The following CTNNA2 variants were observed in gnomAD, a reference collection of about 807,000 sequenced individuals.
CTNNA2 encodes the protein catenin alpha-2.
In CTNNA2, 42 loss-of-function variants were observed where a neutral mutation model predicts 101.0. The observed-to-expected ratio is 0.42, with a 90% CI of 0.32 to 0.54. The LOEUF is 0.54. Ranked by LOEUF, CTNNA2 falls within the 20% of genes least tolerant of loss-of-function variation. The pLI is 0.14. For synonymous variants in CTNNA2, 450 were observed against 456.4 expected, an observed-to-expected ratio of 0.99 and a Z score of 0.18; for missense variants, 871 against 1,223.1, an observed-to-expected ratio of 0.71 and a Z score of 4.29.
At chr2:79,284,686 A>G in intron 2 of CTNNA2, among the ~76,000 whole-genome samples, 1 of 150,528 alleles carries the variant, frequency 6.6e-6, no homozygotes, top group East Asian at 2.0e-4. Flanking sequence ...GGATTTTTGC[A>G]TCAATGTTCA....
At chr2:79,576,458 T>C (rs1675806580) in intron 1 of CTNNA2, among the ~76,000 whole-genome samples, 1 of 152,174 alleles carries the variant, frequency 6.6e-6, no homozygotes, top group Admixed American at 6.5e-5. Flanking sequence ...AAAGTACCCA[T>C]GTTGCTTAAA....
intron 2 of CTNNA2, among the ~76,000 whole-genome samples, chr2:79,257,525 A>T (rs540253800): frequency 1.6e-3 from 243 of 152,176 alleles, no homozygotes; most frequent in Non-Finnish European, 2.9e-3. Context: ...TCATAGGGAA[A>T]GTGGTACTTA....
intron 9 of CTNNA2, among the ~76,000 whole-genome samples, chr2:80,520,421 C>T (rs1298989457): frequency 6.6e-6 from 1 of 152,128 alleles, no homozygotes; most frequent in African/African-American, 2.4e-5. Context: ...GCTGAGGGCC[C>T]TTGTCGGTTC....
At chr2:79,270,317 G>T (rs1036488231) in intron 2 of CTNNA2, among the ~76,000 whole-genome samples, 1 of 152,092 alleles carries the variant, frequency 6.6e-6, no homozygotes, top group African/African-American at 2.4e-5. Context: ...GGCTTTCTGA[G>T]CCTGCAGCTC....
At chr2:79,972,474 G>A (rs146784031) in intron 7 of CTNNA2, among the ~76,000 whole-genome samples, 209 of 152,170 alleles carry the variant, frequency 1.4e-3, no homozygotes, top group Middle Eastern at 6.8e-3. Context: ...ATTCTAATTC[G>A]TGGTATGTGT....
intron 8 of CTNNA2, among the ~76,000 whole-genome samples, chr2:80,418,262 A>G (rs1204714043): frequency 6.6e-6 from 1 of 152,222 alleles, no homozygotes; most frequent in African/African-American, 2.4e-5. Context: ...TTGAAGAACT[A>G]GTATAAGAAT....
chr2:79,277,601 T>C (rs1310095004), intron 2 of CTNNA2, among the ~76,000 whole-genome samples: 7 of 152,094 alleles, frequency 4.6e-5, no homozygotes, highest in African/African-American at 7.2e-5. Flanking sequence ...TTTACAAAAG[T>C]TCTATGACAT....
chr2:79,793,684 C>T (rs781400359), intron 3 of CTNNA2, among the ~76,000 whole-genome samples: 6 of 152,090 alleles, frequency 3.9e-5, no homozygotes, highest in Non-Finnish European at 4.4e-5. Flanking sequence ...TATGGATAAT[C>T]GCCACCCAAT....
At chr2:79,569,410 A>G (rs1675327260) in intron 1 of CTNNA2, among the ~76,000 whole-genome samples, 1 of 152,208 alleles carries the variant, frequency 6.6e-6, no homozygotes, top group Non-Finnish European at 1.5e-5. Flanking sequence ...GATGGAAGAT[A>G]GTAAATGCAG....
chr2:79,456,241 C>A (rs540054085), intron 4 of CTNNA2, among the ~76,000 whole-genome samples: 56 of 151,220 alleles, frequency 3.7e-4, no homozygotes, highest in South Asian at 3.3e-3. Context: ...CAAGTTAGAC[C>A]TAGAAATATC....
intron 3 of CTNNA2, among the ~76,000 whole-genome samples, chr2:79,326,534 C>G (rs1381127570): frequency 6.6e-6 from 1 of 151,934 alleles, no homozygotes; most frequent in East Asian, 1.9e-4. Context: ...TTCAGGAGCC[C>G]CTTAAATACT....
chr2:80,534,230 CTG>C (rs1219716694), intron 9 of CTNNA2, among the ~76,000 whole-genome samples: 1 of 152,122 alleles, frequency 6.6e-6, no homozygotes, highest in Non-Finnish European at 1.5e-5. Context: ...AGATGTATAA[CTG>C]TAGTCAAGGG....
rs1004422604 is a variant in CTNNA2, at chr2:80,119,833, A to G, written c.1056+210036A>G. Among the ~76,000 whole-genome samples, 4 of 152,214 alleles carry G rather than the reference A, an allele frequency of 2.6e-5. No individual in the cohort carries two copies. In the East Asian group the frequency reaches 5.8e-4, roughly 22 times the overall value. ...GATGACACTTCTTAATGTGATCTCC[A>G]GTGGACTATGTAAGACAATGAATTT... is the stretch of plus-strand genomic sequence containing the variant. On this transcript the variant is annotated intron_variant, in intron 7 of 18. Coordinates refer to ENST00000402739, the MANE Select transcript of CTNNA2 (RefSeq NM_001282597.3).
chr2:80,393,117 A>G (rs1355309463), intron 7 of CTNNA2, 94 bp from the exon 8 acceptor site: 6 of 920,192 alleles, frequency 6.5e-6, no homozygotes, highest in Non-Finnish European at 9.8e-6. Flanking sequence ...AATTGTTTGA[A>G]TTTAACTTCT....
intron 1 of CTNNA2, among the ~76,000 whole-genome samples, chr2:79,574,821 T>C (rs1048801261): frequency 6.6e-6 from 1 of 152,208 alleles, no homozygotes; most frequent in Admixed American, 6.5e-5. Flanking sequence ...TAAGCTAATT[T>C]ACATTCCCAC....
chr2:79,850,543 A>G (rs983256363), intron 3 of CTNNA2, among the ~76,000 whole-genome samples: 1 of 152,166 alleles, frequency 6.6e-6, no homozygotes, highest in Non-Finnish European at 1.5e-5. Context: ...GTGCAGACAG[A>G]CATATGTAAA....
chr2:79,903,613 T>C (rs1360656278), intron 6 of CTNNA2, among the ~76,000 whole-genome samples: 3 of 152,104 alleles, frequency 2.0e-5, no homozygotes, highest in Admixed American at 1.3e-4. Context: ...TAAGGAGGAA[T>C]TGCCTGTGAA....
At chr2:79,311,236 C>T (rs1354368307) in intron 2 of CTNNA2, among the ~76,000 whole-genome samples, 10 of 151,872 alleles carry the variant, frequency 6.6e-5, no homozygotes, top group Middle Eastern at 3.4e-3. Context: ...GGTGAAGCCC[C>T]GTCTCTACTA....
intron 12 of CTNNA2, among the ~76,000 whole-genome samples, chr2:80,570,741 T>C (rs1443013876): frequency 1.3e-5 from 2 of 152,126 alleles, no homozygotes; most frequent in African/African-American, 2.4e-5. Flanking sequence ...TCGATGGTAG[T>C]TCTGTTCCAA....
Sources: gnomAD v4.1 joint callset for allele counts (sites outside exome capture counted in the v4.1 genomes callset) on GRCh38, gnomAD v4.1.1 for gene constraint, MANE v1.5 for transcripts, NCBI Gene and HGNC (gene_info 2026-07-23, HGNC 2026-07-21) for gene names.